CFDP1: variants seen among roughly 807,000 people sequenced by gnomAD.
CFDP1 encodes heterochromatin-stabilizing protein CFDP1.
Under a neutral mutation model 40.1 loss-of-function variants are expected in CFDP1, and 31 were observed. The observed-to-expected ratio is 0.77, with a 90% confidence interval of 0.58 to 1.04. The LOEUF (loss-of-function observed/expected upper bound fraction) is 1.04. Among genes scored for constraint, CFDP1 ranks in the 50% least tolerant of loss-of-function variants. CFDP1 has a pLI of 0.00. For synonymous variants in CFDP1, 167 were observed against 120.0 expected (o/e 1.39, Z -2.56); for missense variants, 423 against 343.4 (o/e 1.23, Z -1.83).
At chr16:75,432,230 G>A (rs557698143) in intron 1 of CFDP1, among the ~76,000 whole-genome samples, 137 of 149,958 alleles carry the variant, frequency 9.1e-4, no homozygotes, top group African/African-American at 3.3e-3. Flanking sequence ...AGTTTTCAAC[G>A]TGCCTTTTAG....
In CFDP1 at chr16:75,312,470, CT is replaced by C. The variant is rs570661874; in HGVS notation, c.651-7289del. 2.9e-3 allele frequency among the ~76,000 whole-genome samples: 436 copies of C among 152,014 alleles called. 2 individuals are homozygous for C. The highest frequency in any genetic ancestry group is 9.7e-3 in the African/African-American group (402 of 41,448). Reference sequence around the variant, plus strand: ...AGCTGGCAAGTAGCAACAGCTTTACCTTTTTTTTATACAAATAGAAAATGAT... The same window carrying C: ...AGCTGGCAAGTAGCAACAGCTTTACCTTTTTTTATACAAATAGAAAATGAT... On this transcript the variant is annotated intron_variant, in intron 5 of 6. Coordinates refer to ENST00000283882, the MANE Select transcript of CFDP1 (RefSeq NM_006324.3).
chr16:75,366,522 C>A (rs1209534172), intron 5 of CFDP1, among the ~76,000 whole-genome samples: 1 of 152,030 alleles, frequency 6.6e-6, no homozygotes, highest in East Asian at 1.9e-4. Flanking sequence ...ACTGGGGAGG[C>A]TGAAGCAAGA....
intron 5 of CFDP1, among the ~76,000 whole-genome samples, chr16:75,311,698 A>T (rs2078293467): frequency 6.6e-6 from 1 of 152,132 alleles, no homozygotes; most frequent in African/African-American, 2.4e-5. Flanking sequence ...TTGGAACAAA[A>T]ATTCTTTGGC....
intron 5 of CFDP1, among the ~76,000 whole-genome samples, chr16:75,329,792 A>C (rs540555887): frequency 5.4e-4 from 82 of 152,322 alleles, no homozygotes; most frequent in African/African-American, 1.9e-3. Context: ...AATTTGTTTT[A>C]ATGAATTTAT....
At chr16:75,423,959 C>T (rs577727730) in intron 1 of CFDP1, among the ~76,000 whole-genome samples, 5 of 152,158 alleles carry the variant, frequency 3.3e-5, no homozygotes, top group African/African-American at 1.2e-4. Context: ...CCAAATTCAG[C>T]AATGTATAAA....
chr16:75,298,433 G>A (rs1375706340), intron 6 of CFDP1, among the ~76,000 whole-genome samples: 1 of 152,168 alleles, frequency 6.6e-6, no homozygotes, highest in Non-Finnish European at 1.5e-5. Context: ...GAAGTGCAGG[G>A]AAACCTGAGG....
intron 5 of CFDP1, among the ~76,000 whole-genome samples, chr16:75,367,295 A>C (rs2078721420): frequency 6.6e-6 from 1 of 152,024 alleles, no homozygotes; most frequent in Admixed American, 6.6e-5. Context: ...ATTTAGGGAG[A>C]GTATTAGGAA....
intron 6 of CFDP1, among the ~76,000 whole-genome samples, chr16:75,299,044 C>T (rs2078203732): frequency 6.6e-6 from 1 of 152,118 alleles, no homozygotes; most frequent in Non-Finnish European, 1.5e-5. Context: ...CTTAGCACTG[C>T]TAGATGCCAA....
chr16:75,432,721 G>C (rs970229216), intron 1 of CFDP1, among the ~76,000 whole-genome samples: 1 of 152,202 alleles, frequency 6.6e-6, no homozygotes. Context: ...AGGGGGAACA[G>C]AAAGATTTCT....
At chr16:75,346,269 G>A (rs1217710326) in intron 5 of CFDP1, among the ~76,000 whole-genome samples, 4 of 152,054 alleles carry the variant, frequency 2.6e-5, no homozygotes, top group Non-Finnish European at 4.4e-5. Context: ...GTTCTCTAGG[G>A]GTAAACTCTC....
At chr16:75,358,786 T>C (rs964401531) in intron 5 of CFDP1, among the ~76,000 whole-genome samples, 11 of 152,338 alleles carry the variant, frequency 7.2e-5, no homozygotes, top group African/African-American at 2.6e-4. Context: ...TTCTGAGCTT[T>C]AGAATTTTGG....
intron 5 of CFDP1, among the ~76,000 whole-genome samples, chr16:75,357,216 A>T (rs1417137701): frequency 6.6e-6 from 1 of 151,794 alleles, no homozygotes; most frequent in Non-Finnish European, 1.5e-5. Flanking sequence ...ACCAGCCTGG[A>T]AACAGCTTCT....
chr16:75,377,575 A>C (rs1389823162), intron 5 of CFDP1, among the ~76,000 whole-genome samples: 1 of 152,252 alleles, frequency 6.6e-6, no homozygotes, highest in Non-Finnish European at 1.5e-5. Context: ...GCAAAGAAGA[A>C]ACTAAATGTG....
At chr16:75,367,992 C>A (rs1350838538) in intron 5 of CFDP1, among the ~76,000 whole-genome samples, 1 of 151,944 alleles carries the variant, frequency 6.6e-6, no homozygotes. Flanking sequence ...GTAATCCCAG[C>A]TACTCAAGGG....
intron 5 of CFDP1, among the ~76,000 whole-genome samples, chr16:75,342,252 T>C (rs1417351349): frequency 6.6e-6 from 1 of 152,220 alleles, no homozygotes; most frequent in Admixed American, 6.5e-5. Context: ...TTACCATTGC[T>C]GGAAAAGTCT....
intron 6 of CFDP1, among the ~76,000 whole-genome samples, chr16:75,299,581 C>G (rs12596463): frequency 6.7e-5 from 10 of 149,834 alleles, no homozygotes; most frequent in African/African-American, 2.5e-4. Context: ...GGGAAAAGAG[C>G]GAGACTCCAT....
At chr16:75,414,791 T>C in intron 1 of CFDP1, 96 bp from the exon 2 acceptor site, 1 of 804,512 alleles carries the variant, frequency 1.2e-6, no homozygotes, top group Non-Finnish European at 2.0e-6. Context: ...CGAGACATTT[T>C]CATTAAGAAA....
intron 5 of CFDP1, among the ~76,000 whole-genome samples, chr16:75,327,347 A>G (rs1228642949): frequency 6.6e-6 from 1 of 152,166 alleles, no homozygotes; most frequent in Non-Finnish European, 1.5e-5. Context: ...ACAAAGAGGA[A>G]GAAAAGGCAG....
intron 5 of CFDP1, among the ~76,000 whole-genome samples, chr16:75,373,673 G>C (rs1023719122): frequency 3.9e-5 from 6 of 151,912 alleles, no homozygotes; most frequent in African/African-American, 1.5e-4. Flanking sequence ...TATTTATTTT[G>C]GTATGAACGG....
Sources: gnomAD v4.1 joint callset for allele counts (sites outside exome capture counted in the v4.1 genomes callset) on GRCh38, gnomAD v4.1.1 for gene constraint, MANE v1.5 for transcripts, NCBI Gene and HGNC (gene_info 2026-07-23, HGNC 2026-07-21) for gene names.